Variants in NLRP5 observed in about 807,000 individuals in gnomAD.
The protein encoded by NLRP5 is NLR family pyrin domain containing 5, also known as NACHT, LRR and PYD domains-containing protein 5.
Under a neutral mutation model 113.1 loss-of-function variants are expected in NLRP5, and 93 were observed. The ratio of observed to expected loss-of-function variants is 0.82; its 90% CI spans 0.70 to 0.98. The LOEUF (loss-of-function observed/expected upper bound fraction) is 0.98, where lower values mean the gene tolerates loss of function less well. NLRP5 is among the 50% of genes least tolerant of loss of function. NLRP5 has a pLI of 0.00. For missense variants in NLRP5, 1,808 were observed against 1,514.3 expected, an observed-to-expected ratio of 1.19 and a Z score of -3.22; for synonymous variants, 751 against 600.7, an observed-to-expected ratio of 1.25 and a Z score of -3.66.
rs537722168 is a variant in NLRP5 at position 56,006,153 on chromosome 19, T to C, written c.442+2058T>C. The stretch of plus-strand genomic sequence containing the variant: ...ACATGGATGAAGATGGAAACCATCA[T>C]TCTCAGCAAACTATCACAAGGACAG... On this transcript the variant is annotated intron_variant, in intron 2 of 14. Coordinates refer to ENST00000390649, the MANE Select transcript of NLRP5 (RefSeq NM_153447.4). 7.2e-5 allele frequency among the ~76,000 whole-genome samples: 11 copies of C among 152,252 alleles called. No individual in the cohort carries two copies. The East Asian group carries it at 2.1e-3, about 29-fold the overall frequency.
intron 6 of NLRP5, among the ~76,000 whole-genome samples, chr19:56,022,671 CA>C (rs1184384832): frequency 3.3e-5 from 5 of 152,108 alleles, no homozygotes; most frequent in African/African-American, 1.2e-4. Context: ...TTCTTGTTAT[CA>C]CTTAGAAAAA....
intron 3 of NLRP5, among the ~76,000 whole-genome samples, chr19:56,012,048 T>C (rs1005242510): frequency 1.3e-5 from 2 of 152,146 alleles, no homozygotes; most frequent in African/African-American, 4.8e-5. Context: ...ATGGTGAATC[T>C]ATTTAGTCTA....
At chr19:56,008,719 T>G in intron 2 of NLRP5, 69 bp from the exon 3 acceptor site, 1 of 1,390,246 alleles carries the variant, frequency 7.2e-7, no homozygotes, top group Non-Finnish European at 1.0e-6. Context: ...CACGGGACAT[T>G]CTTATCCTTG....
At chr19:56,036,289 G>A (rs1031090810) in intron 9 of NLRP5, among the ~76,000 whole-genome samples, 4 of 151,552 alleles carry the variant, frequency 2.6e-5, no homozygotes, top group African/African-American at 4.9e-5. Context: ...GGATGGTCTC[G>A]ATCTCCTGAC....
intron 14 of NLRP5, among the ~76,000 whole-genome samples, chr19:56,060,120 T>G (rs117549328): frequency 6.6e-6 from 1 of 152,310 alleles, no homozygotes; most frequent in Non-Finnish European, 1.5e-5. Context: ...TGAAAGAATG[T>G]GTTTATATCC....
intron 6 of NLRP5, among the ~76,000 whole-genome samples, chr19:56,021,617 A>G (rs957257281): frequency 1.3e-5 from 2 of 152,224 alleles, no homozygotes; most frequent in African/African-American, 4.8e-5. Flanking sequence ...CTTGGCATAA[A>G]GTTCCAAAGC....
chr19:56,038,192 T>G lies in NLRP5; in HGVS notation c.2783T>G (p.Leu928Arg). The G allele has an allele frequency of 6.2e-7, 1 of 1,613,264 alleles. No individual in the cohort carries two copies. The highest frequency in any genetic ancestry group is 8.5e-7 in the Non-Finnish European group (1 of 1,179,418). ...GTCTCCCAGTGCGCCCTGCAGAAGC[T>G]GATGTGAGTGCCACTTCCTTTCCAC... is the stretch of plus-strand genomic sequence containing the variant. The change falls in exon 10 of 15, where the codon CTG becomes CGG. Residue 928 changes from leucine (L) to arginine (R), a missense_variant. Leu to Arg is a moderately radical substitution (Grantham distance 102). Coordinates refer to ENST00000390649, the MANE Select transcript of NLRP5 (RefSeq NM_153447.4).
the NLRP5 span, among the ~76,000 whole-genome samples, chr19:55,992,115 T>G: frequency 6.6e-6 from 1 of 152,156 alleles, no homozygotes; most frequent in Non-Finnish European, 1.5e-5. Context: ...TGAGAACATG[T>G]GGTAGTTGGT....
intron 4 of NLRP5, 119 bp from the exon 5 acceptor site, chr19:56,019,223 C>G (rs112653863): frequency 5.3e-6 from 6 of 1,124,866 alleles, no homozygotes; most frequent in Non-Finnish European, 7.8e-6. Flanking sequence ...ACAGTGGTTG[C>G]CATGTTTTCA....
At chr19:56,031,857 A>T (rs1983128368) in intron 7 of NLRP5, among the ~76,000 whole-genome samples, 1 of 152,150 alleles carries the variant, frequency 6.6e-6, no homozygotes, top group Non-Finnish European at 1.5e-5. Context: ...TATTATGAAA[A>T]TGCCACAGTG....
At chr19:56,043,698 T>C (rs1160662869) in intron 11 of NLRP5, among the ~76,000 whole-genome samples, 2 of 151,576 alleles carry the variant, frequency 1.3e-5, no homozygotes, top group Non-Finnish European at 2.9e-5. Flanking sequence ...CTCGAGTAGC[T>C]GGTAGCTGGG....
chr19:56,032,344 C>CAAA (rs34855619), intron 7 of NLRP5, among the ~76,000 whole-genome samples: 12 of 123,612 alleles, frequency 9.7e-5, no homozygotes, highest in African/African-American at 1.8e-4. Flanking sequence ...GACTCCATCT[C>CAAA]AAAAAAAAAA....
chr19:55,998,193 A>G (rs910233346), upstream of NLRP5, among the ~76,000 whole-genome samples: 20 of 152,046 alleles, frequency 1.3e-4, no homozygotes, highest in African/African-American at 3.6e-4. Flanking sequence ...ACATTCTAAA[A>G]TTATAAAAAT....
chr19:56,008,564 G>C (rs1028352039), intron 2 of NLRP5, among the ~76,000 whole-genome samples: 15 of 152,118 alleles, frequency 9.9e-5, no homozygotes, highest in African/African-American at 3.6e-4. Flanking sequence ...CCAGCAAAAC[G>C]GCCAGAGAAT....
intron 2 of NLRP5, among the ~76,000 whole-genome samples, chr19:56,008,086 G>A (rs530302855): frequency 4.5e-5 from 6 of 132,314 alleles, no homozygotes; most frequent in African/African-American, 8.7e-5. Context: ...CCGCCACCAC[G>A]CCCGGCTAAT....
chr19:56,005,105 A>AT lies in NLRP5; in HGVS notation c.442+1010_442+1011insT, dbSNP rs1441016805. Among the ~76,000 whole-genome samples, 278 of 123,952 alleles carry AT rather than the reference A, an allele frequency of 2.2e-3. 10 individuals are homozygous for AT. The highest frequency in any genetic ancestry group is 4.8e-3 in the Admixed American group (54 of 11,242). 81.3% of individuals were successfully genotyped at this position (123,952 alleles called of 152,430 possible). On this transcript the variant is annotated intron_variant, in intron 2 of 14. Transcript: ENST00000390649. ...TGAGACTGTGTCTCAAAAAAAAAAA[A>AT]AAATATATATATATATATATAATAT...
At chr19:56,051,347 C>T (rs995157796) in intron 12 of NLRP5, among the ~76,000 whole-genome samples, 4 of 152,142 alleles carry the variant, frequency 2.6e-5, no homozygotes, top group African/African-American at 9.7e-5. Context: ...CATGTGCCAC[C>T]AGTCCCGGCT....
At chr19:56,015,002 A>G (rs1982350038) in intron 3 of NLRP5, among the ~76,000 whole-genome samples, 1 of 152,192 alleles carries the variant, frequency 6.6e-6, no homozygotes, top group African/African-American at 2.4e-5. Context: ...TGTTGGGTAT[A>G]TGACACAGTA....
At position 56,001,165 on chromosome 19, in the gene NLRP5, T is replaced by C. The variant is rs564735580; in HGVS notation, c.62+1378T>C. Among the ~76,000 whole-genome samples the C allele has an allele frequency of 2.6e-5, 4 of 151,242 alleles. No homozygotes were observed. The East Asian group carries it at 7.8e-4, about 29-fold the overall frequency. ...TAGTGACACCTTGTCTCTACTTTTTTTTTTTTTTTAAAGGCCTGGTGCAGT... is the reference window on the plus strand; with the variant it reads ...TAGTGACACCTTGTCTCTACTTTTTCTTTTTTTTTAAAGGCCTGGTGCAGT... On this transcript the variant is annotated intron_variant, in intron 1 of 14. Transcript: ENST00000390649.
Sources: allele counts gnomAD v4.1 joint callset (sites outside exome capture counted in the v4.1 genomes callset), GRCh38; gene constraint gnomAD v4.1.1; transcripts MANE v1.5; gene names NCBI Gene and HGNC (gene_info 2026-07-23, HGNC 2026-07-21).